Variants in CUL9 observed in about 807,000 individuals in gnomAD.
CUL9 encodes the protein cullin 9.
CUL9 carries 79 observed loss-of-function variants against 272.6 expected under a neutral mutation model. The ratio of observed to expected loss-of-function variants is 0.29; its 90% CI spans 0.24 to 0.35. The LOEUF is 0.35. Among genes scored for constraint, CUL9 ranks in the 10% least tolerant of loss-of-function variants. The pLI is 1.00. For missense variants in CUL9, 2,532 were observed against 3,255.6 expected, an observed-to-expected ratio of 0.78 and a Z score of 5.41; for synonymous variants, 1,186 against 1,286.5, an observed-to-expected ratio of 0.92 and a Z score of 1.67.
chr6:43,215,996 T>C (rs566406929), intron 30 of CUL9, among the ~76,000 whole-genome samples, 162 bp from the exon 31 acceptor site: 27 of 152,346 alleles, frequency 1.8e-4, no homozygotes, highest in African/African-American at 6.5e-4. Flanking sequence ...GGTGCTTCTG[T>C]GGAGGATCTG....
At chr6:43,191,300 T>TGTGTGTGTGCGTG (rs1562020004) in intron 8 of CUL9, among the ~76,000 whole-genome samples, 1 of 122,988 alleles carries the variant, frequency 8.1e-6, no homozygotes, top group African/African-American at 3.9e-5. Context: ...GTGCGTGTTG[T>TGTGTGTGTGCGTG]TTTTTTTTTT....
chr6:43,186,433 A>G lies in CUL9; in HGVS notation c.1229A>G (p.Asn410Ser), dbSNP rs774230125. 2 of 1,597,926 alleles carry G rather than the reference A, an allele frequency of 1.3e-6. No individual in the cohort carries two copies. Among genetic ancestry groups the G allele is most frequent in the South Asian group, 2.2e-5 (2 of 89,684 alleles). Residue 410 changes from asparagine to serine, a missense_variant, in exon 4 of 41, where the codon AAC becomes AGC. This residue lies in a region of CUL9 where 2,218 missense variants were observed against 2,788.6 expected (regional missense o/e 0.80). Transcript: ENST00000252050. ...AGDEGEFRQS[N>S]NGIPPVQVFW... Reference sequence around the variant, plus strand: ...GACGAGGGCGAGTTCCGGCAGAGCAACAACGGCATTCCCCCTGTGCAGGTG... The same window carrying G: ...GACGAGGGCGAGTTCCGGCAGAGCAGCAACGGCATTCCCCCTGTGCAGGTG...
rs1409720824 is a variant in CUL9, at chr6:43,213,332, A to T, written c.5358+38A>T. ...TTAGCCTCTCTCTGCCTTCTCTGCT[A>T]CCTTATCTGTCGCTGTTCTCCTCCT... On this transcript the variant is annotated intron_variant, in intron 27 of 40. Transcript: ENST00000252050. The surrounding 1 kb of genome is among the most constrained non-coding windows in gnomAD (Gnocchi z 5.7). 2 of 1,612,162 alleles carry T rather than the reference A, an allele frequency of 1.2e-6. No individual in the cohort carries two copies. The highest frequency in any genetic ancestry group is 1.7e-6 in the Non-Finnish European group (2 of 1,178,638).
chr6:43,196,500 C>T (rs893490967), intron 10 of CUL9, 145 bp from the exon 11 acceptor site: 19 of 866,972 alleles, frequency 2.2e-5, no homozygotes, highest in Non-Finnish European at 3.2e-5. Flanking sequence ...GAGGAGTGGC[C>T]CAAGGTCAGG....
Position 43,220,693 on chromosome 6 carries a change from G to T in CUL9, c.6424-54G>T. The T allele has an allele frequency of 5.6e-6, 9 of 1,604,356 alleles. No individual in the cohort carries two copies. Among genetic ancestry groups the T allele is most frequent in the Non-Finnish European group, 6.8e-6 (8 of 1,174,398 alleles). On this transcript the variant is annotated intron_variant, in intron 32 of 40. Transcript: ENST00000252050. The surrounding 1 kb of genome is among the most constrained non-coding windows in gnomAD (Gnocchi z 4.9). ...GCTATGGGGTGCTGGGGGCCTGGAG[G>T]TGTGGCATCCTGGAGAGCCATACCC...
chr6:43,211,047 T>C (rs1350138166), intron 26 of CUL9, among the ~76,000 whole-genome samples: 2 of 152,234 alleles, frequency 1.3e-5, no homozygotes, highest in Non-Finnish European at 2.9e-5. Flanking sequence ...CCTACCTTTC[T>C]GAACAATAAA....
At chr6:43,183,267 C>T (rs1002297112) in intron 1 of CUL9, among the ~76,000 whole-genome samples, 11 of 152,200 alleles carry the variant, frequency 7.2e-5, no homozygotes, top group African/African-American at 2.7e-4. Context: ...CCTTACCATA[C>T]ATGCAGTATA....
In CUL9 at chr6:43,204,785, G is replaced by A. The variant is rs1400928197; in HGVS notation, c.4377G>A (p.Ala1459=). ...KNSKGRDRSP[A]PSPVLPSSSL... is the part of the protein sequence containing the mutation. Reference sequence around the variant, plus strand: ...GCAAGGGTCGGGACCGGAGCCCGGCGCCTTCGCCAGTGCTTCCAAGCAGCA... The same window carrying A: ...GCAAGGGTCGGGACCGGAGCCCGGCACCTTCGCCAGTGCTTCCAAGCAGCA... The change falls in exon 22 of 41, where the codon GCG becomes GCA. Residue 1459 remains alanine (A), a synonymous_variant. Transcript: ENST00000252050. 7 of 1,614,196 alleles carry A rather than the reference G, an allele frequency of 4.3e-6. No individual in the cohort carries two copies. The highest frequency in any genetic ancestry group is 1.7e-5 in the Admixed American group (1 of 60,030).
At chr6:43,201,823 G>C (rs930127858) in intron 16 of CUL9, among the ~76,000 whole-genome samples, 1 of 152,252 alleles carries the variant, frequency 6.6e-6, no homozygotes, top group South Asian at 2.1e-4. Flanking sequence ...GGCCAGAAAA[G>C]TAGGCAAAGG....
intron 9 of CUL9, among the ~76,000 whole-genome samples, chr6:43,194,584 G>T (rs994761053): frequency 5.9e-5 from 9 of 151,724 alleles, no homozygotes; most frequent in African/African-American, 2.2e-4. Context: ...CTCCCAAAGT[G>T]CTGGGATTAC....
intron 26 of CUL9, among the ~76,000 whole-genome samples, chr6:43,209,338 A>G (rs1268138067): frequency 6.6e-6 from 1 of 151,184 alleles, no homozygotes; most frequent in Non-Finnish European, 1.5e-5. Flanking sequence ...TTTAGTAGAG[A>G]CAGGGTTTCA....
In CUL9 at chr6:43,186,437, C is replaced by T. The variant is rs1489795992; in HGVS notation, c.1233C>T (p.Asn411=). The change falls in exon 4 of 41, where the codon AAC becomes AAT. Residue 411 remains asparagine, a synonymous_variant. Transcript: ENST00000252050. ...AGGGCGAGTTCCGGCAGAGCAACAA[C>T]GGCATTCCCCCTGTGCAGGTGGGCA... ...GDEGEFRQSN[N]GIPPVQVFWQ... 9 of 1,595,568 alleles carry T rather than the reference C, an allele frequency of 5.6e-6. No homozygotes were observed. The highest frequency in any genetic ancestry group is 1.7e-5 in the Admixed American group (1 of 59,452).
Position 43,204,913 on chromosome 6 carries a change from T to A in CUL9, c.4450-20T>A. 1.2e-6 allele frequency: 2 copies of A among 1,608,706 alleles called. No homozygotes were observed. The highest frequency in any genetic ancestry group is 1.7e-6 in the Non-Finnish European group (2 of 1,176,250). On this transcript the variant is annotated intron_variant, in intron 22 of 40. Coordinates refer to ENST00000252050, the MANE Select transcript of CUL9 (RefSeq NM_015089.4). ...GGGAGGGGCTGCTCCTTTTATGTCA[T>A]TTCTTGCCTTTCTCCTCAGGTCAGC...
chr6:43,198,672 T>G lies in CUL9; in HGVS notation c.2867T>G (p.Val956Gly), dbSNP rs1359840456. 3.7e-6 allele frequency: 6 copies of G among 1,613,722 alleles called. No individual in the cohort carries two copies. Among genetic ancestry groups the G allele is most frequent in the Admixed American group, 3.3e-5 (2 of 59,962 alleles). ...CCTGAGCTACTGATTCGATCCCTGG[T>G]TGGGGGCCCATCTGCAGAACTACTC... is the stretch of plus-strand genomic sequence containing the variant. ...GSPELLIRSL[V>G]GGPSAELLLD... Residue 956 changes from valine to glycine, a missense_variant, in exon 12 of 41, where the codon GTT becomes GGT. This residue lies in a region of CUL9 where 2,218 missense variants were observed against 2,788.6 expected (regional missense o/e 0.80). Transcript: ENST00000252050.
Position 43,204,947 on chromosome 6 carries a change from G to C in CUL9, c.4464G>C (p.Leu1488=), listed in dbSNP as rs374632067. 2 of 1,608,202 alleles carry C rather than the reference G, an allele frequency of 1.2e-6. No individual in the cohort carries two copies. Among genetic ancestry groups the C allele is most frequent in the South Asian group, 2.2e-5 (2 of 90,624 alleles). The change falls in exon 23 of 41, where the codon CTG becomes CTC. Residue 1488 remains leucine, a synonymous_variant. Transcript: ENST00000252050. The part of the protein sequence containing the change: ...SVVQEQVSRF[L]AAAWRAPDFV... ...TTTCTCCTCAGGTCAGCAGATTCCT[G>C]GCTGCAGCTTGGAGGGCCCCAGACT...
Position 43,206,923 on chromosome 6 carries a change from C to T in CUL9, c.5212+413C>T, listed in dbSNP as rs1562046413. The stretch of plus-strand genomic sequence containing the variant: ...GCAGTGGTGTAATCTCTGCTCACTG[C>T]AGCCTCTACCTCCCGGGTTCAAGCG... On this transcript the variant is annotated intron_variant, in intron 26 of 40. Coordinates refer to ENST00000252050, the MANE Select transcript of CUL9 (RefSeq NM_015089.4). The surrounding 1 kb of genome is among the most constrained non-coding windows in gnomAD (Gnocchi z 4.8). Among the ~76,000 whole-genome samples, 1 of 152,158 alleles carries T rather than the reference C, an allele frequency of 6.6e-6. No individual in the cohort carries two copies. Among genetic ancestry groups the T allele is most frequent in the Non-Finnish European group, 1.5e-5 (1 of 68,030 alleles).
chr6:43,196,802 A>C lies in CUL9; in HGVS notation c.2743A>C (p.Thr915Pro). Reference protein sequence around the residue: ...PRTEPMPTTRTILMMLLNRYS... With the variant: ...PRTEPMPTTRPILMMLLNRYS... Reference sequence around the variant, plus strand: ...AACAGAACCTATGCCTACCACACGCACCATCCTCATGATGCTTCTCAATCG... The same window carrying C: ...AACAGAACCTATGCCTACCACACGCCCCATCCTCATGATGCTTCTCAATCG... The change falls in exon 11 of 41, where the codon ACC becomes CCC. Residue 915 changes from threonine (T) to proline (P), a missense_variant. Thr to Pro is a conservative substitution (Grantham distance 38, BLOSUM62 -1). Coordinates refer to ENST00000252050, the MANE Select transcript of CUL9 (RefSeq NM_015089.4). The C allele has an allele frequency of 6.2e-7, 1 of 1,614,164 alleles. No homozygotes were observed.
intron 16 of CUL9, among the ~76,000 whole-genome samples, chr6:43,201,759 G>A (rs991847730): frequency 2.6e-5 from 4 of 152,356 alleles, no homozygotes; most frequent in East Asian, 1.9e-4. Flanking sequence ...GATTACAGGC[G>A]TGAACCACTG....
Position 43,200,341 on chromosome 6 carries a change from G to T in CUL9, c.3385-95G>T, listed in dbSNP as rs537443116. 75 of 1,596,732 alleles carry T rather than the reference G, an allele frequency of 4.7e-5. No individual in the cohort carries two copies. The highest frequency in any genetic ancestry group is 6.3e-5 in the Non-Finnish European group (73 of 1,166,264). On this transcript the variant is annotated intron_variant, in intron 14 of 40. Transcript: ENST00000252050. The surrounding 1 kb of genome is among the most constrained non-coding windows in gnomAD (Gnocchi z 4.0). ...TGGGGAGAGAGGAGTTGAGTATACC[G>T]TTGACCCTTGACTTTTTCTCTCTAC...
Sources: allele counts gnomAD v4.1 joint callset (sites outside exome capture counted in the v4.1 genomes callset), GRCh38; gene constraint gnomAD v4.1.1; regional missense constraint gnomAD v4.1.1; non-coding constraint Gnocchi (gnomAD v3.1); transcripts MANE v1.5; gene names NCBI Gene and HGNC (gene_info 2026-07-23, HGNC 2026-07-21).